Variants in CDKAL1 observed in about 807,000 individuals in gnomAD.
The protein encoded by CDKAL1 is threonylcarbamoyladenosine tRNA methylthiotransferase.
A neutral mutation model predicts 68.2 loss-of-function variants in CDKAL1; 32 were observed. The ratio of observed to expected loss-of-function variants is 0.47; its 90% CI spans 0.35 to 0.63. CDKAL1 has a LOEUF of 0.63. Among genes scored for constraint, CDKAL1 ranks in the 30% least tolerant of loss-of-function variants. CDKAL1 has a pLI of 0.00. For missense variants in CDKAL1, 606 were observed against 696.7 expected, an observed-to-expected ratio of 0.87 and a Z score of 1.47; for synonymous variants, 234 against 244.3, an observed-to-expected ratio of 0.96 and a Z score of 0.39.
At chr6:20,623,971 T>C (rs912790476) in intron 4 of CDKAL1, among the ~76,000 whole-genome samples, 1 of 152,138 alleles carries the variant, frequency 6.6e-6, no homozygotes, top group Non-Finnish European at 1.5e-5. Flanking sequence ...ACAGAGAATA[T>C]GCTCAATAAA....
chr6:21,230,910 G>T lies in CDKAL1; in HGVS notation c.1611G>T (p.Gln537His), dbSNP rs757703638. The T allele has an allele frequency of 6.2e-7, 1 of 1,613,950 alleles. No individual in the cohort carries two copies. The highest frequency in any genetic ancestry group is 1.3e-5 in the African/African-American group (1 of 74,920). The stretch of plus-strand genomic sequence containing the variant: ...GATCCCACACCTCTGCTGCATCTCA[G>T]TGTGACTCAGCGAGTTCCAGAATGG... ...SSGSHTSAAS[Q>H]CDSASSRMVL... Residue 537 changes from glutamine to histidine, a missense_variant, in exon 16 of 16, where the codon CAG becomes CAT. Coordinates refer to ENST00000274695, the MANE Select transcript of CDKAL1 (RefSeq NM_017774.3).
At chr6:20,978,982 T>C (rs1765976349) in intron 10 of CDKAL1, among the ~76,000 whole-genome samples, 1 of 152,218 alleles carries the variant, frequency 6.6e-6, no homozygotes, top group East Asian at 1.9e-4. Flanking sequence ...TCCTATAATT[T>C]AGTCATATTC....
chr6:20,667,457 C>T (rs9356743), intron 5 of CDKAL1, among the ~76,000 whole-genome samples: 20,760 of 151,992 alleles, frequency 0.14, 1,752 homozygotes, highest in East Asian at 0.44. Flanking sequence ...CTATACTCAT[C>T]CTGGGTCTCT....
intron 13 of CDKAL1, among the ~76,000 whole-genome samples, chr6:21,168,848 T>C (rs1777255482): frequency 6.6e-6 from 1 of 152,222 alleles, no homozygotes; most frequent in Non-Finnish European, 1.5e-5. Context: ...TATCTCTGTT[T>C]CTCTCTCTCC....
At chr6:21,027,712 G>A (rs966273676) in intron 11 of CDKAL1, among the ~76,000 whole-genome samples, 5 of 152,136 alleles carry the variant, frequency 3.3e-5, no homozygotes, top group Admixed American at 2.6e-4. Context: ...GCCATGTTTT[G>A]GACTTCCCAG....
At chr6:20,914,060 C>T (rs1762604941) in intron 9 of CDKAL1, among the ~76,000 whole-genome samples, 1 of 152,152 alleles carries the variant, frequency 6.6e-6, no homozygotes. Flanking sequence ...GAGGCCGAGG[C>T]AGGCAGATCA....
At chr6:20,989,545 A>G (rs1029061062) in intron 10 of CDKAL1, among the ~76,000 whole-genome samples, 2 of 152,212 alleles carry the variant, frequency 1.3e-5, no homozygotes, top group African/African-American at 4.8e-5. Flanking sequence ...TCAATTATGT[A>G]TATCATATTT....
intron 8 of CDKAL1, among the ~76,000 whole-genome samples, chr6:20,784,408 A>ATTTATTTTTTTTTTTTTTTT (rs1402113263): frequency 4.3e-5 from 1 of 23,010 alleles, no homozygotes; most frequent in Non-Finnish European, 9.1e-5. Context: ...CAGATATTTT[A>ATTTATTTTTTTTTTTTTTTT]TTTCTTTTTT....
intron 11 of CDKAL1, among the ~76,000 whole-genome samples, chr6:21,034,425 G>T (rs13210277): frequency 2.0e-5 from 3 of 151,104 alleles, no homozygotes; most frequent in Admixed American, 1.3e-4. Context: ...AACCTTTAAC[G>T]ATTTTTAATA....
intron 9 of CDKAL1, among the ~76,000 whole-genome samples, chr6:20,945,674 A>G (rs937421310): frequency 1.3e-5 from 2 of 152,200 alleles, no homozygotes; most frequent in East Asian, 1.9e-4. Context: ...AATCTGGGGC[A>G]CAGTAGTAGT....
intron 9 of CDKAL1, among the ~76,000 whole-genome samples, chr6:20,912,646 A>T (rs1561879228): frequency 6.6e-6 from 1 of 151,938 alleles, no homozygotes; most frequent in African/African-American, 2.4e-5. Flanking sequence ...TACTAGACAT[A>T]TTTTTTTTAA....
chr6:21,135,722 GTATTC>G (rs1775558908), intron 13 of CDKAL1: 2 of 984,294 alleles, frequency 2.0e-6, no homozygotes, highest in African/African-American at 3.5e-5. Flanking sequence ...GAAAGGGAAG[GTATTC>G]TAAACCAAAC....
chr6:20,871,513 C>T (rs1760214310), intron 9 of CDKAL1, among the ~76,000 whole-genome samples: 1 of 152,096 alleles, frequency 6.6e-6, no homozygotes, highest in East Asian at 1.9e-4. Context: ...AGTTCGGTCT[C>T]TTCCCACTCT....
chr6:20,914,591 G>A (rs1489673690), intron 9 of CDKAL1, among the ~76,000 whole-genome samples: 3 of 152,110 alleles, frequency 2.0e-5, no homozygotes, highest in African/African-American at 7.2e-5. Flanking sequence ...CACTAAGATG[G>A]TCAGTAGAAA....
At chr6:20,537,566 A>C (rs1463051259) in intron 2 of CDKAL1, among the ~76,000 whole-genome samples, 1 of 149,810 alleles carries the variant, frequency 6.7e-6, no homozygotes, top group Non-Finnish European at 1.5e-5. Flanking sequence ...AGATCGTGCC[A>C]TTGCACTCCA....
intron 8 of CDKAL1, among the ~76,000 whole-genome samples, chr6:20,816,020 C>T (rs755126324): frequency 6.6e-6 from 1 of 152,074 alleles, no homozygotes; most frequent in Non-Finnish European, 1.5e-5. Context: ...CTGCTTCTAG[C>T]TTCTGCTCAT....
Position 21,065,147 on chromosome 6 carries a change from ATTCCCAAGCCTGTTTATTAACCAATTT to A in CDKAL1, c.1157_1183del (p.Phe386_Phe394del). The A allele has an allele frequency of 1.2e-6, 2 of 1,609,724 alleles. No individual in the cohort carries two copies. Among genetic ancestry groups the A allele is most frequent in the South Asian group, 2.2e-5 (2 of 89,236 alleles). ...CAGTGAAACTTGTTGAAGAGTACAA[ATTCCCAAGCCTGTTTATTAACCAATTT>A]TACCCAAGACCAGGAACTCCTGCTG... is the stretch of plus-strand genomic sequence containing the variant. On this transcript the variant is annotated inframe_deletion, in exon 12 of 16. Coordinates refer to ENST00000274695, the MANE Select transcript of CDKAL1 (RefSeq NM_017774.3).
At chr6:21,003,159 A>T (rs1264665789) in intron 11 of CDKAL1, among the ~76,000 whole-genome samples, 3 of 151,260 alleles carry the variant, frequency 2.0e-5, no homozygotes, top group South Asian at 2.1e-4. Flanking sequence ...CTCTTGGGGA[A>T]GTCCATCTAC....
chr6:21,073,607 G>A (rs1265793833), intron 12 of CDKAL1, among the ~76,000 whole-genome samples: 1 of 152,154 alleles, frequency 6.6e-6, no homozygotes, highest in Non-Finnish European at 1.5e-5. Context: ...ATATGGTGTT[G>A]AGTGTCTTTT....
Sources: allele counts gnomAD v4.1 joint callset (sites outside exome capture counted in the v4.1 genomes callset), GRCh38; gene constraint gnomAD v4.1.1; transcripts MANE v1.5; gene names NCBI Gene and HGNC (gene_info 2026-07-23, HGNC 2026-07-21).